Variants in VWC2 observed in about 807,000 individuals in gnomAD.
VWC2 encodes brorin.
A neutral mutation model predicts 29.8 loss-of-function variants in VWC2; 14 were observed. That is an observed-to-expected ratio of 0.47 (90% CI 0.31 to 0.74). The LOEUF (loss-of-function observed/expected upper bound fraction) is 0.74, where lower values mean the gene tolerates loss of function less well. VWC2 is among the 30% of genes least tolerant of loss of function. The probability of loss-of-function intolerance (pLI) is 0.05; values close to 1 mark genes in which losing one functional copy is unlikely to be tolerated. For synonymous variants in VWC2, 213 were observed against 199.0 expected (o/e 1.07, Z -0.59); for missense variants, 457 against 459.8 (o/e 0.99, Z 0.05).
intron 2 of VWC2, among the ~76,000 whole-genome samples, chr7:49,781,408 G>A (rs1788175113): frequency 6.6e-6 from 1 of 152,082 alleles, no homozygotes; most frequent in Non-Finnish European, 1.5e-5. Flanking sequence ...CTTTTACAGT[G>A]GGCAGAAGGG....
At chr7:49,872,552 T>A (rs1791203846) in intron 3 of VWC2, among the ~76,000 whole-genome samples, 1 of 151,408 alleles carries the variant, frequency 6.6e-6, no homozygotes, top group Non-Finnish European at 1.5e-5. Flanking sequence ...CACAAAAAAA[T>A]ACAAAACAGG....
chr7:49,790,858 C>T (rs973272816), intron 2 of VWC2, among the ~76,000 whole-genome samples: 1 of 151,954 alleles, frequency 6.6e-6, no homozygotes, highest in Non-Finnish European at 1.5e-5. Flanking sequence ...AGGTTTAGTT[C>T]CAGGTGACTG....
chr7:49,815,731 G>A (rs1789126732), intron 3 of VWC2, among the ~76,000 whole-genome samples: 1 of 152,150 alleles, frequency 6.6e-6, no homozygotes, highest in African/African-American at 2.4e-5. Flanking sequence ...CAAGTAACTT[G>A]ATTTCTCTGT....
rs1237061286 is a variant in VWC2, at chr7:49,916,969, A to G, written c.*4784A>G. On this transcript the variant is annotated 3_prime_UTR_variant, in exon 4 of 4. Coordinates refer to ENST00000340652, the MANE Select transcript of VWC2 (RefSeq NM_198570.5). ...TGCTGAAGAAAGTTGATTGTATTGA[A>G]GAGACACTGGCCCTTTATGATAAAG... 6.6e-6 allele frequency: 1 copy of G among 152,242 alleles called. No individual in the cohort carries two copies. Among genetic ancestry groups the G allele is most frequent in the African/African-American group, 2.4e-5 (1 of 41,478 alleles). 9.4% of individuals were successfully genotyped at this position (152,242 alleles called of 1,614,324 possible). A position where few individuals can be genotyped will look rare whatever the true frequency, so the allele number is the denominator to read the frequency against.
chr7:49,780,923 A>T (rs1788160940), intron 2 of VWC2, among the ~76,000 whole-genome samples: 1 of 152,228 alleles, frequency 6.6e-6, no homozygotes, highest in Non-Finnish European at 1.5e-5. Context: ...AAAAAATTTG[A>T]ACATGAAATT....
At chr7:49,836,677 TAA>T (rs1789671972) in intron 3 of VWC2, among the ~76,000 whole-genome samples, 1 of 134,064 alleles carries the variant, frequency 7.5e-6, no homozygotes, top group African/African-American at 2.7e-5. Flanking sequence ...AATAAATAAA[TAA>T]ATACAAAAAA....
At chr7:49,816,852 G>T (rs1337454807) in intron 3 of VWC2, among the ~76,000 whole-genome samples, 2 of 152,134 alleles carry the variant, frequency 1.3e-5, no homozygotes, top group Non-Finnish European at 2.9e-5. Context: ...CCCCTCTTCA[G>T]TTTCTTCACT....
At chr7:49,836,313 G>A (rs1418742986) in intron 3 of VWC2, among the ~76,000 whole-genome samples, 1 of 152,050 alleles carries the variant, frequency 6.6e-6, no homozygotes, top group Admixed American at 6.6e-5. Flanking sequence ...GTGACTTATA[G>A]TGAAATGATA....
At chr7:49,777,311 A>G (rs971536272) in intron 2 of VWC2, among the ~76,000 whole-genome samples, 8 of 152,230 alleles carry the variant, frequency 5.3e-5, no homozygotes, top group African/African-American at 1.9e-4. Flanking sequence ...AATTCCCAGG[A>G]TGTGAAGCCC....
At chr7:49,868,727 C>T (rs540518978) in intron 3 of VWC2, among the ~76,000 whole-genome samples, 9 of 152,310 alleles carry the variant, frequency 5.9e-5, no homozygotes, top group Non-Finnish European at 1.3e-4. Context: ...AAGTGATTCT[C>T]CTGCCTCAGC....
chr7:49,904,042 G>T (rs1225048611), intron 3 of VWC2, among the ~76,000 whole-genome samples: 3 of 152,094 alleles, frequency 2.0e-5, no homozygotes, highest in Non-Finnish European at 4.4e-5. Flanking sequence ...CTCTCCCCTT[G>T]GTGGTTGCCA....
At chr7:49,837,955 A>C (rs1370396792) in intron 3 of VWC2, among the ~76,000 whole-genome samples, 1 of 152,220 alleles carries the variant, frequency 6.6e-6, no homozygotes, top group Non-Finnish European at 1.5e-5. Context: ...AAGTTCAAAA[A>C]TCTGCCTATA....
At chr7:49,889,216 A>G (rs371125431) in intron 3 of VWC2, among the ~76,000 whole-genome samples, 1 of 152,156 alleles carries the variant, frequency 6.6e-6, no homozygotes, top group East Asian at 1.9e-4. Flanking sequence ...CTTTTAAAAT[A>G]TATTAATGGA....
chr7:49,849,645 AG>A (rs1338101613), intron 3 of VWC2, among the ~76,000 whole-genome samples: 1 of 152,200 alleles, frequency 6.6e-6, no homozygotes, highest in Non-Finnish European at 1.5e-5. Flanking sequence ...CATTAGATAG[AG>A]TCTAACGCTG....
At position 49,837,522 on chromosome 7, in the gene VWC2, C is replaced by T. The variant is rs140921345; in HGVS notation, c.826+34682C>T. Among the ~76,000 whole-genome samples the T allele has an allele frequency of 3.9e-3, 595 of 152,140 alleles. 2 individuals are homozygous for T. Among genetic ancestry groups the T allele is most frequent in the African/African-American group, 0.014 (572 of 41,484 alleles). ...GTTTTGCCTTGGAATCCCTGAAGGC[C>T]GGGGGAGGTCATGGGGAGAGTTCTG... On this transcript the variant is annotated intron_variant, in intron 3 of 3. Transcript: ENST00000340652.
At chr7:49,857,830 A>G (rs548865246) in intron 3 of VWC2, among the ~76,000 whole-genome samples, 4 of 152,234 alleles carry the variant, frequency 2.6e-5, no homozygotes, top group African/African-American at 2.4e-5. Context: ...CAGAGCTTCA[A>G]TTTCTTTACC....
intron 3 of VWC2, among the ~76,000 whole-genome samples, chr7:49,840,073 G>A (rs1050445666): frequency 6.6e-6 from 1 of 152,186 alleles, no homozygotes; most frequent in Non-Finnish European, 1.5e-5. Context: ...CCAGGCTTCC[G>A]GAGCAGGAGC....
intron 2 of VWC2, among the ~76,000 whole-genome samples, chr7:49,780,349 T>G (rs143351801): frequency 6.6e-6 from 1 of 152,326 alleles, no homozygotes; most frequent in African/African-American, 2.4e-5. Flanking sequence ...AGGGGCTGTA[T>G]TGAGCAGTTG....
chr7:49,871,819 CCAAT>C (rs936470876), intron 3 of VWC2, among the ~76,000 whole-genome samples: 1 of 142,820 alleles, frequency 7.0e-6, no homozygotes, highest in Non-Finnish European at 1.5e-5. Flanking sequence ...AATTATACAC[CCAAT>C]CAAAGACATA....
Sources: gnomAD v4.1 joint callset for allele counts (sites outside exome capture counted in the v4.1 genomes callset) on GRCh38, gnomAD v4.1.1 for gene constraint, MANE v1.5 for transcripts, NCBI Gene and HGNC (gene_info 2026-07-23, HGNC 2026-07-21) for gene names.